ASIC2: variants seen among roughly 807,000 people sequenced by gnomAD.
The protein encoded by ASIC2 is acid sensing ion channel subunit 2.
A neutral mutation model predicts 57.3 loss-of-function variants in ASIC2; 25 were observed. That is an observed-to-expected ratio of 0.44 (90% CI 0.32 to 0.61). The LOEUF is 0.61. Ranked by LOEUF, ASIC2 falls within the 20% of genes least tolerant of loss-of-function variation. The probability of loss-of-function intolerance (pLI) is 0.06; values close to 1 mark genes in which losing one functional copy is unlikely to be tolerated. For missense variants in ASIC2, 641 were observed against 738.1 expected (o/e 0.87, Z 1.52); for synonymous variants, 319 against 307.5 (o/e 1.04, Z -0.39).
chr17:33,409,333 G>A (rs1910575975), intron 1 of ASIC2, among the ~76,000 whole-genome samples: 1 of 152,356 alleles, frequency 6.6e-6, no homozygotes, highest in South Asian at 2.1e-4. Flanking sequence ...TGGGGCATCA[G>A]CACAGAAACT....
At chr17:33,715,773 T>A (rs936583977) in intron 1 of ASIC2, among the ~76,000 whole-genome samples, 10 of 152,150 alleles carry the variant, frequency 6.6e-5, no homozygotes, top group Non-Finnish European at 8.8e-5. Context: ...CATCTCCCTG[T>A]AGTCAAAATG....
At chr17:33,665,144 G>A (rs1176539606) in intron 1 of ASIC2, among the ~76,000 whole-genome samples, 1 of 152,064 alleles carries the variant, frequency 6.6e-6, no homozygotes, top group African/African-American at 2.4e-5. Context: ...TGAAGGCAGG[G>A]CTTAAGCATT....
In ASIC2 at chr17:33,561,012, G is replaced by A. The variant is rs185968691; in HGVS notation, c.556-448945C>T. 2.0e-5 allele frequency among the ~76,000 whole-genome samples: 3 copies of A among 152,144 alleles called. No individual in the cohort carries two copies. In the East Asian group the frequency reaches 5.8e-4, roughly 29 times the overall value. ...ATGCAGTAGTAGGTGGCATACTTCTGGGCAGTCTAAATTTTCAGAGGTCAA... is the reference window on the plus strand; with the variant it reads ...ATGCAGTAGTAGGTGGCATACTTCTAGGCAGTCTAAATTTTCAGAGGTCAA... On this transcript the variant is annotated intron_variant, in intron 1 of 9. Transcript: ENST00000359872.
intron 1 of ASIC2, among the ~76,000 whole-genome samples, chr17:33,402,087 C>T (rs551731442): frequency 3.5e-4 from 53 of 152,208 alleles, no homozygotes; most frequent in Non-Finnish European, 4.6e-4. Flanking sequence ...ATGTTTGACT[C>T]CTCCTGGACC....
intron 1 of ASIC2, among the ~76,000 whole-genome samples, chr17:33,223,878 C>T (rs1907779335): frequency 6.6e-6 from 1 of 152,142 alleles, no homozygotes; most frequent in African/African-American, 2.4e-5. Flanking sequence ...GAGTAGAGAC[C>T]TAGACTCTGT....
chr17:33,809,682 C>T (rs556883519), intron 1 of ASIC2, among the ~76,000 whole-genome samples: 26 of 152,186 alleles, frequency 1.7e-4, no homozygotes, highest in Non-Finnish European at 2.9e-4. Flanking sequence ...GGAACCCAGC[C>T]CGAAAACTTA....
At chr17:33,311,204 C>T (rs1478809033) in intron 1 of ASIC2, among the ~76,000 whole-genome samples, 1 of 152,206 alleles carries the variant, frequency 6.6e-6, no homozygotes, top group African/African-American at 2.4e-5. Context: ...AACCATGCTT[C>T]TAGGTCTCTA....
In ASIC2 at chr17:33,292,224, C is replaced by G; in HGVS notation, c.-109G>C. 2 of 1,000,156 alleles carry G rather than the reference C, an allele frequency of 2.0e-6. No individual in the cohort carries two copies. Among genetic ancestry groups the G allele is most frequent in the Non-Finnish European group, 2.4e-6 (2 of 841,532 alleles). 62.0% of individuals were successfully genotyped at this position (1,000,156 alleles called of 1,614,324 possible). A position where few individuals can be genotyped will look rare whatever the true frequency, so the allele number is the denominator to read the frequency against. ...GCAGCAGCGGCAGCCGCGCGCAGCC[C>G]GCGCCAGGGAAGCGTGCGCCCGAAA... On this transcript the variant is annotated 5_prime_UTR_variant, in exon 1 of 10. Coordinates refer to ENST00000225823, the MANE Select transcript of ASIC2 (RefSeq NM_183377.2).
intron 1 of ASIC2, chr17:33,580,144 G>A (rs1376661435): frequency 1.3e-5 from 2 of 152,186 alleles, no homozygotes; most frequent in African/African-American, 4.8e-5. Flanking sequence ...AGGGTAGTAA[G>A]TTGACCACCA....
intron 2 of ASIC2, among the ~76,000 whole-genome samples, chr17:33,103,061 G>A (rs781079022): frequency 6.6e-6 from 1 of 152,160 alleles, no homozygotes; most frequent in Non-Finnish European, 1.5e-5. Flanking sequence ...GGTATTACAG[G>A]CCTGAGCCAC....
At chr17:33,387,568 C>T (rs1053681296) in intron 1 of ASIC2, among the ~76,000 whole-genome samples, 2 of 152,210 alleles carry the variant, frequency 1.3e-5, no homozygotes, top group Non-Finnish European at 2.9e-5. Flanking sequence ...TGCGCGCCTG[C>T]GCCACTCCCA....
chr17:34,146,384 T>C (rs1309091568), intron 1 of ASIC2, among the ~76,000 whole-genome samples: 1 of 152,182 alleles, frequency 6.6e-6, no homozygotes, highest in Non-Finnish European at 1.5e-5. Context: ...CAGGTTGGGT[T>C]CCCTATCAGA....
intron 1 of ASIC2, among the ~76,000 whole-genome samples, chr17:34,097,515 T>C (rs1458744444): frequency 6.6e-6 from 1 of 152,162 alleles, no homozygotes; most frequent in Non-Finnish European, 1.5e-5. Flanking sequence ...GCAGTCAAGC[T>C]AAAGTGAGGT....
intron 1 of ASIC2, among the ~76,000 whole-genome samples, chr17:33,508,987 G>A (rs932246378): frequency 6.6e-5 from 10 of 152,304 alleles, no homozygotes; most frequent in South Asian, 2.1e-4. Context: ...CTTTACTCAC[G>A]TTTGGGGATC....
At chr17:33,933,436 A>G (rs1915989246) in intron 1 of ASIC2, among the ~76,000 whole-genome samples, 2 of 152,252 alleles carry the variant, frequency 1.3e-5, no homozygotes, top group African/African-American at 2.4e-5. Flanking sequence ...TTCAATGAAC[A>G]CAAACATCAA....
chr17:33,084,330 A>T (rs943707099), intron 3 of ASIC2, among the ~76,000 whole-genome samples: 2 of 152,204 alleles, frequency 1.3e-5, no homozygotes, highest in Admixed American at 6.5e-5. Context: ...TTTGTTCTCC[A>T]CAGTACTGAG....
intron 1 of ASIC2, among the ~76,000 whole-genome samples, chr17:33,369,557 G>T (rs546907269): frequency 2.0e-5 from 3 of 152,184 alleles, no homozygotes; most frequent in Admixed American, 2.0e-4. Flanking sequence ...TTAATTGAAA[G>T]CATAGCACAT....
intron 1 of ASIC2, among the ~76,000 whole-genome samples, chr17:33,733,135 T>A (rs1909799603): frequency 6.6e-6 from 1 of 152,178 alleles, no homozygotes; most frequent in Non-Finnish European, 1.5e-5. Flanking sequence ...AGATAGAATA[T>A]AATTATTGGC....
intron 1 of ASIC2, among the ~76,000 whole-genome samples, chr17:33,198,839 T>C (rs927673193): frequency 6.6e-6 from 1 of 152,228 alleles, no homozygotes; most frequent in African/African-American, 2.4e-5. Context: ...CACAATCTTC[T>C]TCTTGGTAGC....
Sources: allele counts gnomAD v4.1 joint callset (sites outside exome capture counted in the v4.1 genomes callset), GRCh38; gene constraint gnomAD v4.1.1; transcripts MANE v1.5; gene names NCBI Gene and HGNC (gene_info 2026-07-23, HGNC 2026-07-21).